Variants in HELLS observed in about 807,000 individuals in gnomAD.
HELLS encodes helicase, lymphoid specific, also known as lymphoid-specific helicase.
A neutral mutation model predicts 120.0 loss-of-function variants in HELLS; 32 were observed. The observed-to-expected ratio is 0.27, with a 90% CI of 0.20 to 0.36. The LOEUF (loss-of-function observed/expected upper bound fraction) is 0.36. Ranked by LOEUF, HELLS falls within the 10% of genes least tolerant of loss-of-function variation. The pLI is 1.00. For synonymous variants in HELLS, 341 were observed against 323.4 expected (o/e 1.05, Z -0.58); for missense variants, 650 against 993.4 (o/e 0.65, Z 4.65).
chr10:94,566,552 C>T (rs1237663033), intron 6 of HELLS, among the ~76,000 whole-genome samples: 2 of 152,038 alleles, frequency 1.3e-5, no homozygotes, highest in Non-Finnish European at 2.9e-5. Flanking sequence ...AAGTAGGAAG[C>T]TATTGAAAGA....
At position 94,581,414 on chromosome 10, in the gene HELLS, A is replaced by G. The variant is rs746514599; in HGVS notation, c.1121A>G (p.Asn374Ser). ...CTAATCAGGGAGTTAAAACGATTCA[A>G]TGCTGATAACAAACTTCTTTTGACT... is the stretch of plus-strand genomic sequence containing the variant. ...CRLIRELKRF[N>S]ADNKLLLTGT... Residue 374 changes from asparagine (N) to serine (S), a missense_variant, in exon 11 of 22, where the codon AAT becomes AGT. Asn to Ser is a conservative substitution (Grantham distance 46, BLOSUM62 1). Around this residue, in one of 9 missense-constraint regions of HELLS, gnomAD observed 48 missense variants for 127.0 expected, o/e 0.38. Coordinates refer to ENST00000348459, the MANE Select transcript of HELLS (RefSeq NM_018063.5). 3.1e-6 allele frequency: 5 copies of G among 1,612,534 alleles called. No homozygotes were observed. Among genetic ancestry groups the G allele is most frequent in the South Asian group, 2.2e-5 (2 of 91,016 alleles).
chr10:94,546,623 T>C (rs955138033), intron 2 of HELLS, 125 bp downstream of exon 2: 4 of 1,031,744 alleles, frequency 3.9e-6, no homozygotes, highest in Non-Finnish European at 2.9e-6. Flanking sequence ...AGAAAACAGC[T>C]TTATTACTTG....
At chr10:94,604,896 A>G (rs1356791559), downstream of HELLS, among the ~76,000 whole-genome samples, 1 of 151,992 alleles carries the variant, frequency 6.6e-6, no homozygotes, top group East Asian at 1.9e-4. Flanking sequence ...AACAGATCTC[A>G]TGATTCAGTA....
downstream of HELLS, among the ~76,000 whole-genome samples, chr10:94,605,439 C>G (rs1216886148): frequency 6.6e-6 from 1 of 151,914 alleles, no homozygotes; most frequent in Non-Finnish European, 1.5e-5. Context: ...ATTATGTTGT[C>G]TTGTGTTTTC....
chr10:94,570,025 TTTTTTATTTTTTTTTTTA>T (rs1291593163), intron 6 of HELLS: 12 of 149,912 alleles, frequency 8.0e-5, no homozygotes, highest in African/African-American at 2.7e-4. Context: ...ATTAAGGTGT[TTTTTTATTTTTTTTTTTA>T]TTTTTATTTT....
chr10:94,560,433 G>A (rs982693475), intron 4 of HELLS, among the ~76,000 whole-genome samples: 6 of 152,126 alleles, frequency 3.9e-5, no homozygotes, highest in African/African-American at 1.2e-4. Context: ...GGTGGCTCAC[G>A]CCTATAATCC....
intron 6 of HELLS, among the ~76,000 whole-genome samples, chr10:94,564,921 A>T (rs1398739919): frequency 6.6e-6 from 1 of 152,184 alleles, no homozygotes; most frequent in Non-Finnish European, 1.5e-5. Flanking sequence ...AAAAAAAAGC[A>T]CAACTCTATT....
intron 6 of HELLS, among the ~76,000 whole-genome samples, chr10:94,563,740 T>G (rs1843660896): frequency 6.6e-6 from 1 of 152,118 alleles, no homozygotes; most frequent in African/African-American, 2.4e-5. Flanking sequence ...TCTTTTTGCT[T>G]CAGCCTCCCA....
At chr10:94,554,644 G>GTTTTTTTTTTTT (rs199878580) in intron 3 of HELLS, among the ~76,000 whole-genome samples, 6 of 103,072 alleles carry the variant, frequency 5.8e-5, no homozygotes, top group African/African-American at 7.7e-5. Context: ...AAGTAATAGT[G>GTTTTTTTTTTTT]TTTTTTTTTT....
intron 12 of HELLS, among the ~76,000 whole-genome samples, chr10:94,586,502 T>A (rs1400507223): frequency 1.3e-5 from 2 of 152,210 alleles, no homozygotes; most frequent in African/African-American, 4.8e-5. Context: ...GGTTGGTAGA[T>A]ACCAACACTG....
chr10:94,597,228 A>G, intron 21 of HELLS, 117 bp downstream of exon 21: 2 of 569,768 alleles, frequency 3.5e-6, no homozygotes, highest in East Asian at 5.9e-5. Context: ...TTTTATTGTC[A>G]TTTTTCTTCT....
At chr10:94,546,534 T>G (rs1244228803) in intron 2 of HELLS, 36 bp downstream of exon 2, 4 of 1,612,432 alleles carry the variant, frequency 2.5e-6, no homozygotes, top group Non-Finnish European at 3.4e-6. Context: ...CGTGAAAGCC[T>G]GTGGTAACCT....
At position 94,548,629 on chromosome 10, in the gene HELLS, T is replaced by C. The variant is rs554186379; in HGVS notation, c.153+2131T>C. 3.9e-5 allele frequency among the ~76,000 whole-genome samples: 6 copies of C among 152,294 alleles called. No individual in the cohort carries two copies. In the East Asian group the frequency reaches 1.2e-3, roughly 29 times the overall value. On this transcript the variant is annotated intron_variant, in intron 2 of 21. Transcript: ENST00000348459. ...TTATGAACAAACATTTTGCAGTTAG[T>C]CCTAAATTTAATAATTATGCATCAT...
rs1376066966 is a variant in HELLS at position 94,546,450 on chromosome 10, A to G, written c.105A>G (p.Glu35=). 6.2e-7 allele frequency: 1 copy of G among 1,614,138 alleles called. No individual in the cohort carries two copies. The highest frequency in any genetic ancestry group is 1.7e-5 in the Admixed American group (1 of 60,024). ...VITPAMLEEE[E]QLEAAGLERE... ...CCCCGGCCATGCTAGAAGAGGAAGA[A>G]CAGCTTGAAGCTGCTGGACTAGAGA... The change falls in exon 2 of 22, where the codon GAA becomes GAG. Residue 35 remains glutamate, a synonymous_variant. Coordinates refer to ENST00000348459, the MANE Select transcript of HELLS (RefSeq NM_018063.5).
chr10:94,545,828 T>C lies in HELLS; in HGVS notation c.-94T>C. The C allele has an allele frequency of 5.0e-6, 7 of 1,408,782 alleles. No individual in the cohort carries two copies. Among genetic ancestry groups the C allele is most frequent in the Non-Finnish European group, 5.9e-6 (6 of 1,016,674 alleles). The allele number at this position is 1,408,782 out of a possible 1,614,324, so 87.3% of individuals were successfully genotyped here. A position where few individuals can be genotyped will look rare whatever the true frequency, so the allele number is the denominator to read the frequency against. ...TTTTTTCCCTGGCGGGGGATTTGGC[T>C]AGAAGGCTGGGCCGGCAGCGGTTGT... On this transcript the variant is annotated 5_prime_UTR_variant, in exon 1 of 22. Coordinates refer to ENST00000348459, the MANE Select transcript of HELLS (RefSeq NM_018063.5).
At chr10:94,594,540 G>T (rs1477167883) in intron 18 of HELLS, among the ~76,000 whole-genome samples, 155 bp from the exon 19 acceptor site, 1 of 152,104 alleles carries the variant, frequency 6.6e-6, no homozygotes, top group Non-Finnish European at 1.5e-5. Context: ...TCTGTGGAAT[G>T]ATAATTTTGT....
intron 10 of HELLS, among the ~76,000 whole-genome samples, chr10:94,581,098 T>C (rs969135347): frequency 2.6e-5 from 4 of 152,214 alleles, no homozygotes; most frequent in African/African-American, 9.6e-5. Context: ...GAGTTCAAAC[T>C]TTATTGCATA....
intron 6 of HELLS, among the ~76,000 whole-genome samples, chr10:94,566,710 T>C (rs4918401): frequency 0.38 from 57,514 of 149,698 alleles, 11,372 homozygotes; most frequent in East Asian, 0.68. Flanking sequence ...AGTGCAGTGG[T>C]GATCTCGGCT....
chr10:94,606,282 G>C (rs1158527485), downstream of HELLS, among the ~76,000 whole-genome samples: 1 of 151,778 alleles, frequency 6.6e-6, no homozygotes, highest in Admixed American at 6.6e-5. Context: ...AATTCATGGG[G>C]ATTTTTTAGA....
Sources: allele counts gnomAD v4.1 joint callset (sites outside exome capture counted in the v4.1 genomes callset), GRCh38; gene constraint gnomAD v4.1.1; regional missense constraint gnomAD v4.1.1; transcripts MANE v1.5; gene names NCBI Gene and HGNC (gene_info 2026-07-23, HGNC 2026-07-21).